Variants in OTOF observed in about 807,000 individuals in gnomAD.
OTOF encodes the protein otoferlin, also known as fer-1-like family member 2.
OTOF carries 218 observed loss-of-function variants against 236.8 expected under a neutral mutation model. That is an observed-to-expected ratio of 0.92 (90% confidence interval 0.82 to 1.03). The LOEUF is 1.03. OTOF is among the 50% of genes least tolerant of loss of function. OTOF has a pLI of 0.00. For synonymous variants in OTOF, 1,041 were observed against 1,072.5 expected (o/e 0.97, Z 0.57); for missense variants, 2,590 against 2,694.4 (o/e 0.96, Z 0.86).
At chr2:26,543,749 A>T (rs1255316151) in intron 1 of OTOF, among the ~76,000 whole-genome samples, 1 of 152,138 alleles carries the variant, frequency 6.6e-6, no homozygotes, top group Non-Finnish European at 1.5e-5. Flanking sequence ...CGGAGTCTTG[A>T]TCTGTCACCC....
chr2:26,543,125 C>A (rs915471541), intron 1 of OTOF, among the ~76,000 whole-genome samples: 2 of 152,192 alleles, frequency 1.3e-5, no homozygotes, highest in African/African-American at 2.4e-5. Flanking sequence ...CCCTCTCTTC[C>A]TCTACAGCGA....
intron 3 of OTOF, among the ~76,000 whole-genome samples, chr2:26,523,997 C>T (rs1263423229): frequency 6.6e-6 from 1 of 152,250 alleles, no homozygotes; most frequent in Non-Finnish European, 1.5e-5. Context: ...GTGCTCTCCA[C>T]AAGGGGACCT....
In OTOF at chr2:26,466,753, A is replaced by T; in HGVS notation, c.4461T>A (p.Asn1487Lys). ...CTCGGACCAGCACATTGATGGGGTC[A>T]TTGCTCGGGATGCCCTGGAACATGC... ...TYGMFQGIPSNDPINVLVRVY... is the reference protein window; with the variant it reads ...TYGMFQGIPSKDPINVLVRVY... Residue 1487 changes from asparagine (N) to lysine (K), a missense_variant, in exon 36 of 47, where the codon AAT (asparagine) becomes AAA (lysine). Physicochemically the swap from Asn to Lys is moderately conservative, Grantham distance 94. This residue lies in a region of OTOF where 1,211 missense variants were observed against 1,352.8 expected (regional missense o/e 0.90). Coordinates refer to ENST00000272371, the MANE Select transcript of OTOF (RefSeq NM_194248.3). The T allele has an allele frequency of 6.2e-7, 1 of 1,614,218 alleles. No homozygotes were observed. The highest frequency in any genetic ancestry group is 8.5e-7 in the Non-Finnish European group (1 of 1,180,038).
At position 26,462,008 on chromosome 2, in the gene OTOF, C is replaced by T. The variant is rs918440815; in HGVS notation, c.5292-71G>A. ...TCTCCCACCCACAGCCACCTTCCCT[C>T]TGCCTCCTCTCCTGCCCCCCGGGAA... On this transcript the variant is annotated intron_variant, in intron 42 of 46. Coordinates refer to ENST00000272371, the MANE Select transcript of OTOF (RefSeq NM_194248.3). The surrounding 1 kb of genome is among the most constrained non-coding windows in gnomAD (Gnocchi z 4.7). The T allele has an allele frequency of 1.2e-6, 2 of 1,613,052 alleles. No homozygotes were observed. The highest frequency in any genetic ancestry group is 2.7e-5 in the African/African-American group (2 of 74,870).
intron 8 of OTOF, among the ~76,000 whole-genome samples, chr2:26,496,408 T>C (rs886902775): frequency 6.7e-6 from 1 of 148,292 alleles, no homozygotes; most frequent in African/African-American, 2.6e-5. Context: ...CTAATTTTTG[T>C]ATTTTTTTTT....
chr2:26,516,942 C>T (rs1387500717), intron 4 of OTOF, among the ~76,000 whole-genome samples: 2 of 152,122 alleles, frequency 1.3e-5, no homozygotes, highest in African/African-American at 2.4e-5. Flanking sequence ...CCGAGAGTGT[C>T]GTTCAGCATC....
chr2:26,479,732 G>T, intron 16 of OTOF, 79 bp from the exon 17 acceptor site: 2 of 1,456,906 alleles, frequency 1.4e-6, no homozygotes, highest in Non-Finnish European at 1.9e-6. Context: ...GTGCTGCCTT[G>T]GGTTTGGGAA....
chr2:26,482,719 G>T, intron 13 of OTOF, 127 bp from the exon 14 acceptor site: 1 of 747,552 alleles, frequency 1.3e-6, no homozygotes, highest in Admixed American at 2.3e-5. Context: ...GGGTGTGCAT[G>T]CGTGTGTGAG....
chr2:26,524,794 G>A (rs549459356), intron 3 of OTOF, among the ~76,000 whole-genome samples: 3 of 152,296 alleles, frequency 2.0e-5, no homozygotes, highest in African/African-American at 4.8e-5. Context: ...TCTAGCCCTG[G>A]CTCTACCATT....
At position 26,467,120 on chromosome 2, in the gene OTOF, C is replaced by A. The variant is rs80214437; in HGVS notation, c.4341G>T (p.Glu1447Asp). ...TGACCTTGAAGCGTCCCACAATGCG[C>A]TCCTCCTCGGTGGAGCCATCCTCAT... is the stretch of plus-strand genomic sequence containing the variant. ...GDDEDGSTEE[E>D]RIVGRFKGSL... The change falls in exon 35 of 47, where the codon GAG (glutamate) becomes GAT (aspartate). Residue 1447 changes from glutamate to aspartate, a missense_variant. Physicochemically the swap from Glu to Asp is conservative, Grantham distance 45 (BLOSUM62 2). Coordinates refer to ENST00000272371, the MANE Select transcript of OTOF (RefSeq NM_194248.3). 11 of 1,613,730 alleles carry A rather than the reference C, an allele frequency of 6.8e-6. No homozygotes were observed. The highest frequency in any genetic ancestry group is 1.7e-6 in the Non-Finnish European group (2 of 1,180,036).
In OTOF at chr2:26,558,582, G is replaced by A; in HGVS notation, c.-11C>T. 6.2e-7 allele frequency: 1 copy of A among 1,612,442 alleles called. No homozygotes were observed. The highest frequency in any genetic ancestry group is 8.5e-7 in the Non-Finnish European group (1 of 1,178,806). ...GATGAGCAAGGCCATGCTGGTGTGGGCTGCCTGGCACTGCCAGGCAGGAGC... is the reference window on the plus strand; with the variant it reads ...GATGAGCAAGGCCATGCTGGTGTGGACTGCCTGGCACTGCCAGGCAGGAGC... On this transcript the variant is annotated 5_prime_UTR_variant, in exon 1 of 47. Transcript: ENST00000272371.
At chr2:26,535,096 G>A (rs1667038557) in intron 2 of OTOF, among the ~76,000 whole-genome samples, 1 of 152,232 alleles carries the variant, frequency 6.6e-6, no homozygotes. Context: ...TTTGTGGGAT[G>A]TGCACTGCTG....
intron 1 of OTOF, among the ~76,000 whole-genome samples, chr2:26,547,471 A>G (rs1314645272): frequency 1.3e-5 from 2 of 152,168 alleles, no homozygotes; most frequent in Non-Finnish European, 2.9e-5. Flanking sequence ...TAAAAAATGA[A>G]TTGAGATGTG....
rs777694039 is a variant in OTOF at position 26,460,225 on chromosome 2, G to A, written c.5814-20C>T. 1.9e-6 allele frequency: 3 copies of A among 1,584,256 alleles called. No homozygotes were observed. In the South Asian group the frequency reaches 3.4e-5, roughly 18 times the overall value. ...GGCCGGCTGGAGTATGAAGGGTAGA[G>A]AGCGCAGAGGAGGGACAGGGAGGAG... is the stretch of plus-strand genomic sequence containing the variant. On this transcript the variant is annotated intron_variant, in intron 45 of 46. Transcript: ENST00000272371. This position sits in a 1 kb window ranked among gnomAD's most constrained non-coding sequence, Gnocchi z 5.3.
intron 15 of OTOF, 103 bp from the exon 16 acceptor site, chr2:26,480,414 G>T (rs563274599): frequency 1.3e-6 from 1 of 776,350 alleles, no homozygotes; most frequent in Non-Finnish European, 2.2e-6. Context: ...GGTGGATGGT[G>T]GGGGCATCCC....
chr2:26,551,116 A>T (rs1316329365), intron 1 of OTOF, among the ~76,000 whole-genome samples: 3 of 151,906 alleles, frequency 2.0e-5, no homozygotes, highest in African/African-American at 7.3e-5. Context: ...CAGCCTCCCG[A>T]GTAGCTGGGA....
chr2:26,498,200 C>T (rs987379518), intron 8 of OTOF, among the ~76,000 whole-genome samples: 2 of 152,290 alleles, frequency 1.3e-5, no homozygotes, highest in South Asian at 2.1e-4. Flanking sequence ...TGTAGCAGAG[C>T]CAGTGAAGGT....
rs1385560128 is a variant in OTOF, at chr2:26,477,679, C to A, written c.2285G>T (p.Gly762Val). Residue 762 changes from glycine (G) to valine (V), a missense_variant, in exon 19 of 47, where the codon GGC becomes GTC. Gly to Val is a moderately radical substitution (Grantham distance 109, BLOSUM62 -3). Coordinates refer to ENST00000272371, the MANE Select transcript of OTOF (RefSeq NM_194248.3). The surrounding 1 kb of genome is among the most constrained non-coding windows in gnomAD (Gnocchi z 4.7). The stretch of plus-strand genomic sequence containing the variant: ...GCCACAGCTCAGCTCCTCCAGGACG[C>A]CCCGCAGGCGACGCTCAGGGTAGGA... ...EKSYPERRLR[G>V]VLEELSCGCC... 7.4e-6 allele frequency: 12 copies of A among 1,612,442 alleles called. No homozygotes were observed. Among genetic ancestry groups the A allele is most frequent in the Admixed American group, 1.7e-5 (1 of 60,012 alleles).
intron 3 of OTOF, among the ~76,000 whole-genome samples, chr2:26,520,029 G>A (rs1666638865): frequency 6.6e-6 from 1 of 152,150 alleles, no homozygotes; most frequent in South Asian, 2.1e-4. Context: ...AACAACAGTG[G>A]GTGCCCAATA....
Sources: gnomAD v4.1 joint callset for allele counts (sites outside exome capture counted in the v4.1 genomes callset) on GRCh38, gnomAD v4.1.1 for gene constraint, gnomAD v4.1.1 regional missense constraint, Gnocchi (gnomAD v3.1) non-coding constraint, MANE v1.5 for transcripts, NCBI Gene and HGNC (gene_info 2026-07-23, HGNC 2026-07-21) for gene names.